SULF1: variants seen among roughly 807,000 people sequenced by gnomAD.
SULF1 encodes the protein sulfatase 1.
A neutral mutation model predicts 110.5 loss-of-function variants in SULF1; 46 were observed. That is an observed-to-expected ratio of 0.42 (90% CI 0.33 to 0.53). The LOEUF is 0.53. Among genes scored for constraint, SULF1 ranks in the 20% least tolerant of loss-of-function variants. SULF1 has a pLI of 0.12. For synonymous variants in SULF1, 371 were observed against 387.1 expected (o/e 0.96, Z 0.49); for missense variants, 941 against 1,094.2 (o/e 0.86, Z 1.98).
intron 19 of SULF1, among the ~76,000 whole-genome samples, chr8:69,631,247 G>A (rs1284852259): frequency 6.6e-6 from 1 of 152,170 alleles, no homozygotes; most frequent in Non-Finnish European, 1.5e-5. Flanking sequence ...GGTTATAGTT[G>A]CTTATGGCAG....
At chr8:69,554,660 TAAAAAAAAAGAA>T (rs1814958407) in intron 3 of SULF1, among the ~76,000 whole-genome samples, 1 of 149,492 alleles carries the variant, frequency 6.7e-6, no homozygotes, top group African/African-American at 2.5e-5. Context: ...TTAGCCTTTC[TAAAAAAAAAGAA>T]AAAGAAAAAA....
At chr8:69,558,435 C>T (rs16936100) in intron 3 of SULF1, among the ~76,000 whole-genome samples, 30,124 of 152,114 alleles carry the variant, frequency 0.2, 3,096 homozygotes, top group African/African-American at 0.24. Context: ...AATAATTCTT[C>T]TGCCCCATCC....
chr8:69,482,314 T>A (rs1220455005), intron 1 of SULF1, among the ~76,000 whole-genome samples: 1 of 152,222 alleles, frequency 6.6e-6, no homozygotes, highest in Non-Finnish European at 1.5e-5. Flanking sequence ...CCATAGTTTA[T>A]GAAATATACA....
intron 3 of SULF1, among the ~76,000 whole-genome samples, 189 bp downstream of exon 3, chr8:69,502,157 C>T (rs561683379): frequency 1.4e-4 from 21 of 152,254 alleles, no homozygotes; most frequent in African/African-American, 3.1e-4. Context: ...GGGCCTTCCA[C>T]GTGGTAGAGC....
At chr8:69,529,370 G>T (rs113158326) in intron 3 of SULF1, among the ~76,000 whole-genome samples, 2 of 152,162 alleles carry the variant, frequency 1.3e-5, no homozygotes, top group South Asian at 2.1e-4. Context: ...TTAGCACTAC[G>T]TTGATGCTCT....
intron 3 of SULF1, among the ~76,000 whole-genome samples, chr8:69,543,412 C>T (rs887814677): frequency 1.4e-5 from 2 of 144,830 alleles, no homozygotes; most frequent in Non-Finnish European, 3.0e-5. Flanking sequence ...TGTGCTGTTT[C>T]CCTCCCTGTA....
intron 3 of SULF1, among the ~76,000 whole-genome samples, chr8:69,536,478 G>A (rs981875039): frequency 4.6e-5 from 7 of 152,078 alleles, no homozygotes; most frequent in Non-Finnish European, 8.8e-5. Context: ...AGACATTTGG[G>A]CTTTCTTTGC....
At chr8:69,616,077 T>C (rs1262146538) in intron 13 of SULF1, among the ~76,000 whole-genome samples, 1 of 138,830 alleles carries the variant, frequency 7.2e-6, no homozygotes, top group Non-Finnish European at 1.6e-5. Context: ...TATGTGTGTA[T>C]ATATAATGTG....
At chr8:69,491,122 C>T (rs1358223885), upstream of SULF1, among the ~76,000 whole-genome samples, 1 of 152,148 alleles carries the variant, frequency 6.6e-6, no homozygotes, top group Admixed American at 6.5e-5. Context: ...CATAGACACA[C>T]CCCAAGTCTC....
chr8:69,569,580 GA>G (rs1237811982), intron 5 of SULF1, among the ~76,000 whole-genome samples: 1 of 152,084 alleles, frequency 6.6e-6, no homozygotes, highest in African/African-American at 2.4e-5. Context: ...TTATAGTCAG[GA>G]AAAGCTCTAT....
rs1326017344 is a variant in SULF1 at position 69,658,824 on chromosome 8, G to C, written c.*289G>C. 1.7e-6 allele frequency: 1 copy of C among 595,606 alleles called. No individual in the cohort carries two copies. Among genetic ancestry groups the C allele is most frequent in the Non-Finnish European group, 3.2e-6 (1 of 316,864 alleles). The allele number at this position is 595,606 out of a possible 1,614,324, so 36.9% of individuals were successfully genotyped here. A position where few individuals can be genotyped will look rare whatever the true frequency, so the allele number is the denominator to read the frequency against. ...ACTCAGATGAAGACCCAAGGCATAA[G>C]GTTGGGAAAACACCTCATTTGACCT... On this transcript the variant is annotated 3_prime_UTR_variant, in exon 23 of 23. Coordinates refer to ENST00000402687, the MANE Select transcript of SULF1 (RefSeq NM_001128205.2).
At chr8:69,635,810 C>T (rs10099816) in intron 19 of SULF1, among the ~76,000 whole-genome samples, 81,020 of 151,552 alleles carry the variant, frequency 0.53, 22,381 homozygotes, top group Middle Eastern at 0.6. Context: ...GTCAAAGCTG[C>T]AGTGAGCCTT....
At chr8:69,533,262 G>A (rs1191526253) in intron 3 of SULF1, among the ~76,000 whole-genome samples, 5 of 152,176 alleles carry the variant, frequency 3.3e-5, no homozygotes, top group African/African-American at 1.2e-4. Flanking sequence ...TTTATTTTAA[G>A]TTCCAGGGTA....
Position 69,624,075 on chromosome 8 carries a change from T to A in SULF1, c.1728T>A (p.Arg576=), listed in dbSNP as rs1201107983. Residue 576 remains arginine, a synonymous_variant, in exon 15 of 23, where the codon CGT becomes CGA. Coordinates refer to ENST00000402687, the MANE Select transcript of SULF1 (RefSeq NM_001128205.2). ...QVLQPRNIAK[R]HDEGHKGPRD... is the part of the protein sequence containing the mutation. ...TGCAACCAAGAAACATTGCTAAGCGTCATGATGAAGGCCACAAGGGGCCAA... is the reference window on the plus strand; with the variant it reads ...TGCAACCAAGAAACATTGCTAAGCGACATGATGAAGGCCACAAGGGGCCAA... The A allele has an allele frequency of 6.2e-7, 1 of 1,614,124 alleles. No individual in the cohort carries two copies. Among genetic ancestry groups the A allele is most frequent in the Non-Finnish European group, 8.5e-7 (1 of 1,180,018 alleles).
chr8:69,496,811 A>G (rs1337407260), intron 2 of SULF1, among the ~76,000 whole-genome samples: 1 of 152,214 alleles, frequency 6.6e-6, no homozygotes, highest in Admixed American at 6.5e-5. Flanking sequence ...TTGCCTCTGC[A>G]GTGTTTAAAG....
chr8:69,601,589 A>G lies in SULF1; in HGVS notation c.886-65A>G, dbSNP rs551900528. ...AAAAGATTTGGGGGCAATCGTGGCA[A>G]CACTATTGAGCATCATCTTATACCA... On this transcript the variant is annotated intron_variant, in intron 9 of 22. Transcript: ENST00000402687. The G allele has an allele frequency of 4.4e-6, 6 of 1,359,842 alleles. No homozygotes were observed. The South Asian group carries it at 8.5e-5, about 19-fold the overall frequency. The allele number at this position is 1,359,842 out of a possible 1,614,324, so 84.2% of individuals were successfully genotyped here.
At chr8:69,504,185 C>T (rs1434458296) in intron 3 of SULF1, among the ~76,000 whole-genome samples, 1 of 152,164 alleles carries the variant, frequency 6.6e-6, no homozygotes, top group Admixed American at 6.5e-5. Context: ...TGTGTGATTT[C>T]ACCACTGTGT....
At chr8:69,530,689 G>C (rs1382431611) in intron 3 of SULF1, among the ~76,000 whole-genome samples, 1 of 152,144 alleles carries the variant, frequency 6.6e-6, no homozygotes, top group African/African-American at 2.4e-5. Flanking sequence ...CCAGAGTTCA[G>C]TCCAAGAGTC....
At chr8:69,561,932 T>G (rs1586407416) in intron 3 of SULF1, among the ~76,000 whole-genome samples, 1 of 152,230 alleles carries the variant, frequency 6.6e-6, no homozygotes, top group Non-Finnish European at 1.5e-5. Flanking sequence ...TGCAGAATAA[T>G]TGCAGGCTTT....
Sources: gnomAD v4.1 joint callset for allele counts (sites outside exome capture counted in the v4.1 genomes callset) on GRCh38, gnomAD v4.1.1 for gene constraint, MANE v1.5 for transcripts, NCBI Gene and HGNC (gene_info 2026-07-23, HGNC 2026-07-21) for gene names.